The following AGTPBP1 variants were observed in gnomAD, a reference collection of about 807,000 sequenced individuals.
The protein encoded by AGTPBP1 is cytosolic carboxypeptidase 1.
AGTPBP1 carries 70 observed loss-of-function variants against 143.9 expected under a neutral mutation model. That is an observed-to-expected ratio of 0.49 (90% CI 0.40 to 0.59). AGTPBP1 has a LOEUF of 0.59. AGTPBP1 is among the 20% of genes least tolerant of loss of function. The pLI, the probability that AGTPBP1 is intolerant of heterozygous loss-of-function variation, is 0.00. For synonymous variants in AGTPBP1, 463 were observed against 500.2 expected, an observed-to-expected ratio of 0.93 and a Z score of 0.99; for missense variants, 1,229 against 1,464.5, an observed-to-expected ratio of 0.84 and a Z score of 2.62.
chr9:85,606,702 C>T (rs149899499), intron 17 of AGTPBP1, among the ~76,000 whole-genome samples: 1 of 151,984 alleles, frequency 6.6e-6, no homozygotes, highest in African/African-American at 2.4e-5. Context: ...TATATATACA[C>T]AATGAAATAC....
intron 2 of AGTPBP1, among the ~76,000 whole-genome samples, chr9:85,696,379 T>C (rs1054968947): frequency 6.6e-6 from 1 of 152,116 alleles, no homozygotes; most frequent in Non-Finnish European, 1.5e-5. Flanking sequence ...AAAAAATGTG[T>C]CAACCCGGTC....
At chr9:85,773,390 T>A in the AGTPBP1 span, among the ~76,000 whole-genome samples, 2 of 121,256 alleles carry the variant, frequency 1.6e-5, no homozygotes, top group Non-Finnish European at 3.2e-5. Context: ...TGGAGTGCAA[T>A]GGGGCGATCT....
Position 85,672,072 on chromosome 9 carries a change from C to CT in AGTPBP1, c.568+477dup, listed in dbSNP as rs111948831. Among the ~76,000 whole-genome samples the CT allele has an allele frequency of 7.5e-4, 109 of 145,208 alleles. 1 individual carries two copies. The highest frequency in any genetic ancestry group is 1.6e-3 in the African/African-American group (64 of 39,798). On this transcript the variant is annotated intron_variant, in intron 7 of 25. Coordinates refer to ENST00000357081, the MANE Select transcript of AGTPBP1 (RefSeq NM_001330701.2). ...ATGTTCAAGGTTTTACCAACTTAAC[C>CT]TTTTTTTTTTTTGGTTGAGACGGAG... is the stretch of plus-strand genomic sequence containing the variant.
At chr9:85,706,609 G>A (rs1288107404) in intron 2 of AGTPBP1, among the ~76,000 whole-genome samples, 2 of 151,706 alleles carry the variant, frequency 1.3e-5, no homozygotes, top group Admixed American at 6.6e-5. Context: ...AGTGGCTCAC[G>A]CCTGTAATCC....
intron 7 of AGTPBP1, among the ~76,000 whole-genome samples, chr9:85,670,427 G>C (rs898341848): frequency 8.5e-5 from 13 of 152,180 alleles, no homozygotes; most frequent in African/African-American, 3.1e-4. Flanking sequence ...TATGGTCTAG[G>C]TAACAGGTAA....
the AGTPBP1 span, among the ~76,000 whole-genome samples, chr9:85,775,146 T>A: frequency 6.6e-6 from 1 of 151,770 alleles, no homozygotes; most frequent in African/African-American, 2.4e-5. Context: ...CTACAAAAGA[T>A]ACAAAAAACT....
intron 2 of AGTPBP1, among the ~76,000 whole-genome samples, chr9:85,705,228 AC>A (rs780822211): frequency 3.4e-4 from 51 of 151,324 alleles, no homozygotes; most frequent in East Asian, 1.4e-3. Context: ...AAAAAAAAAA[AC>A]AAAAAACCTA....
chr9:85,655,114 A>C, intron 11 of AGTPBP1, 29 bp downstream of exon 11: 3 of 1,517,674 alleles, frequency 2.0e-6, no homozygotes, highest in Non-Finnish European at 2.6e-6. Context: ...AAGAACCCAC[A>C]AAAAGCAGCA....
chr9:85,717,212 T>C (rs146764377), intron 1 of AGTPBP1, among the ~76,000 whole-genome samples: 23 of 152,280 alleles, frequency 1.5e-4, no homozygotes, highest in East Asian at 3.9e-4. Context: ...GATTCAAAAA[T>C]AACTGAACAG....
intron 17 of AGTPBP1, among the ~76,000 whole-genome samples, chr9:85,614,297 A>T (rs932849792): frequency 9.2e-5 from 14 of 152,070 alleles, no homozygotes; most frequent in Non-Finnish European, 1.5e-4. Context: ...AAACTGTAAC[A>T]ACTAATAAAA....
At chr9:85,675,882 G>A (rs547001274) in intron 6 of AGTPBP1, among the ~76,000 whole-genome samples, 10 of 152,138 alleles carry the variant, frequency 6.6e-5, no homozygotes, top group South Asian at 2.1e-4. Context: ...AAAATTAGAC[G>A]GGTATGGTGG....
Position 85,741,785 on chromosome 9 carries a change from TGGGGCGC to T in AGTPBP1, c.-51_-45del. On this transcript the variant is annotated 5_prime_UTR_variant, in exon 1 of 26. The change creates a premature stop within an existing upstream ORF in the 5' untranslated region. Transcript: ENST00000357081. ...CAGCAGGGCGCTCACCGGCTCAGGA[TGGGGCGC>T]TGGCGGGGACCGCGCAGAGCCGCAG... 7.4e-7 allele frequency: 1 copy of T among 1,351,522 alleles called. No individual in the cohort carries two copies. The highest frequency in any genetic ancestry group is 1.8e-5 in the South Asian group (1 of 55,622). The allele number at this position is 1,351,522 out of a possible 1,614,324, so 83.7% of individuals were successfully genotyped here. A position where few individuals can be genotyped will look rare whatever the true frequency, so the allele number is the denominator to read the frequency against.
At chr9:85,578,294 T>A (rs1828020656) in intron 24 of AGTPBP1, among the ~76,000 whole-genome samples, 2 of 152,182 alleles carry the variant, frequency 1.3e-5, no homozygotes, top group Non-Finnish European at 2.9e-5. Flanking sequence ...GAAAAAAGTT[T>A]ACTAACAGGA....
chr9:85,704,821 AGGT>A (rs1836879673), intron 2 of AGTPBP1, among the ~76,000 whole-genome samples: 1 of 152,228 alleles, frequency 6.6e-6, no homozygotes, highest in Admixed American at 6.5e-5. Flanking sequence ...ATATTAAAAT[AGGT>A]GTTGTAACTA....
At chr9:85,622,213 G>C (rs1830979029) in intron 14 of AGTPBP1, among the ~76,000 whole-genome samples, 1 of 152,186 alleles carries the variant, frequency 6.6e-6, no homozygotes. Context: ...AAGTAATGCA[G>C]ATTAGAACTG....
rs562525780 is a variant in AGTPBP1, at chr9:85,593,883, A to C, written c.2424-1179T>G. Among the ~76,000 whole-genome samples the C allele has an allele frequency of 8.6e-4, 131 of 152,344 alleles. 2 individuals carry two copies. Among genetic ancestry groups the C allele is most frequent in the Non-Finnish European group, 1.7e-3 (116 of 68,020 alleles). On this transcript the variant is annotated intron_variant, in intron 18 of 25. Coordinates refer to ENST00000357081, the MANE Select transcript of AGTPBP1 (RefSeq NM_001330701.2). The stretch of plus-strand genomic sequence containing the variant: ...GACTTAAAGATGCTCTAACAACTTA[A>C]TTTCTAAAATTCTGAATCACCTTGT...
rs532867692 is a variant in AGTPBP1, at chr9:85,585,504, T to C, written c.3124A>G (p.Asn1042Asp). Residue 1042 changes from asparagine to aspartate, a missense_variant, in exon 23 of 26, where the codon AAT becomes GAT. Transcript: ENST00000357081. ...TCCACAACATCACATGAAGTTGCATTATCATTGGTATGCCACACTGTCTCT... is the reference window on the plus strand; with the variant it reads ...TCCACAACATCACATGAAGTTGCATCATCATTGGTATGCCACACTGTCTCT... ...IKETVWHTNDNATSCDVVEDT... is the reference protein window; with the variant it reads ...IKETVWHTNDDATSCDVVEDT... The C allele has an allele frequency of 6.2e-7, 1 of 1,610,192 alleles. No homozygotes were observed. The highest frequency in any genetic ancestry group is 2.2e-5 in the East Asian group (1 of 44,640).
At chr9:85,678,753 C>A (rs1225827648) in intron 4 of AGTPBP1, among the ~76,000 whole-genome samples, 1 of 152,214 alleles carries the variant, frequency 6.6e-6, no homozygotes, top group Non-Finnish European at 1.5e-5. Context: ...TCTCAGAAGG[C>A]AATCACGTTA....
upstream of AGTPBP1, among the ~76,000 whole-genome samples, chr9:85,746,488 G>C (rs1588024714): frequency 6.6e-6 from 1 of 152,176 alleles, no homozygotes; most frequent in Non-Finnish European, 1.5e-5. Context: ...AATTACCTGA[G>C]CGTGGTGGTG....
Sources: gnomAD v4.1 joint callset for allele counts (sites outside exome capture counted in the v4.1 genomes callset) on GRCh38, gnomAD v4.1.1 for gene constraint, MANE v1.5 for transcripts, NCBI Gene and HGNC (gene_info 2026-07-23, HGNC 2026-07-21) for gene names.